The following SPICE1 variants were observed in gnomAD, a reference collection of about 807,000 sequenced individuals.
SPICE1 encodes the protein spindle and centriole associated protein 1, also known as spindle and centriole-associated protein 1.
SPICE1 carries 75 observed loss-of-function variants against 102.7 expected under a neutral mutation model. That is an observed-to-expected ratio of 0.73 (90% CI 0.61 to 0.88). The LOEUF is 0.88. Among genes scored for constraint, SPICE1 ranks in the 40% least tolerant of loss-of-function variants. The probability of loss-of-function intolerance (pLI) is 0.00; values close to 1 mark genes in which losing one functional copy is unlikely to be tolerated. For synonymous variants in SPICE1, 308 were observed against 350.3 expected (o/e 0.88, Z 1.35); for missense variants, 979 against 1,020.1 (o/e 0.96, Z 0.55).
chr3:113,506,549 C>T lies in SPICE1; in HGVS notation c.57G>A (p.Pro19=), dbSNP rs368441333. The stretch of plus-strand genomic sequence containing the variant: ...CTGAAGTTTTCTTCTTCTTTACTTT[C>T]GGTGTCTTTCTTACACCAACTCGGG... The part of the protein sequence containing the change: ...CGPRVGVRKT[P]KVKKKKTSVK... The change falls in exon 2 of 18, where the codon CCG becomes CCA. Residue 19 remains proline, a synonymous_variant. Coordinates refer to ENST00000295872, the MANE Select transcript of SPICE1 (RefSeq NM_144718.4). 73 of 1,613,438 alleles carry T rather than the reference C, an allele frequency of 4.5e-5. No homozygotes were observed. The highest frequency in any genetic ancestry group is 5.8e-5 in the Non-Finnish European group (68 of 1,179,810).
chr3:113,493,264 A>G lies in SPICE1; in HGVS notation c.434T>C (p.Val145Ala), dbSNP rs200456467. ...TTGGGTGATAGGGTCTTGATTTACC[A>G]CAATGGGACCCTGAGAGGAATCAGG... ...VAPDSSQGPI[V>A]VNQDPITQSI... The change falls in exon 6 of 18, where the codon GTG (valine) becomes GCG (alanine). Residue 145 changes from valine to alanine, a missense_variant. Physicochemically the swap from Val to Ala is moderately conservative, Grantham distance 64. Coordinates refer to ENST00000295872, the MANE Select transcript of SPICE1 (RefSeq NM_144718.4). 34 of 1,613,652 alleles carry G rather than the reference A, an allele frequency of 2.1e-5. No individual in the cohort carries two copies. The highest frequency in any genetic ancestry group is 1.7e-4 in the Middle Eastern group (1 of 6,060).
intron 4 of SPICE1, among the ~76,000 whole-genome samples, chr3:113,495,071 T>C (rs1459709209): frequency 6.6e-6 from 1 of 152,220 alleles, no homozygotes; most frequent in African/African-American, 2.4e-5. Flanking sequence ...ATCAGTTTTT[T>C]ACCCTGGAGA....
At chr3:113,475,690 ATTATCTCAATAGATGCAGAAAAGGCC>A (rs1233427027) in intron 7 of SPICE1, among the ~76,000 whole-genome samples, 1 of 152,328 alleles carries the variant, frequency 6.6e-6, no homozygotes, top group East Asian at 1.9e-4. Flanking sequence ...AAACCACATA[ATTATCTCAATAGATGCAGAAAAGGCC>A]TTTGACAAAA....
chr3:113,491,648 A>AAAAAAAAAAC (rs1936771696), intron 6 of SPICE1, among the ~76,000 whole-genome samples: 1 of 150,976 alleles, frequency 6.6e-6, no homozygotes, highest in Non-Finnish European at 1.5e-5. Context: ...AAAAAAAAAA[A>AAAAAAAAAAC]AGATTATCTA....
At chr3:113,451,698 A>C (rs1370715200) in intron 14 of SPICE1, among the ~76,000 whole-genome samples, 1 of 152,200 alleles carries the variant, frequency 6.6e-6, no homozygotes, top group Non-Finnish European at 1.5e-5. Flanking sequence ...AATGCCTCCC[A>C]GTGACTCAAA....
At chr3:113,510,698 T>C (rs1937203627) in intron 1 of SPICE1, among the ~76,000 whole-genome samples, 1 of 152,146 alleles carries the variant, frequency 6.6e-6, no homozygotes, top group African/African-American at 2.4e-5. Context: ...ATTCAGCACA[T>C]ACACACAGGC....
intron 7 of SPICE1, among the ~76,000 whole-genome samples, chr3:113,474,049 G>A (rs1170981786): frequency 5.9e-5 from 9 of 151,910 alleles, no homozygotes; most frequent in South Asian, 2.1e-4. Flanking sequence ...CCCATCTCAC[G>A]TGCAGAGACA....
In SPICE1 at chr3:113,491,583, C is replaced by A. The variant is rs951751951; in HGVS notation, c.492+1623G>T. On this transcript the variant is annotated intron_variant, in intron 6 of 17. Coordinates refer to ENST00000295872, the MANE Select transcript of SPICE1 (RefSeq NM_144718.4). The stretch of plus-strand genomic sequence containing the variant: ...CAGCTTGCAGTGAGCCAAGATTGCA[C>A]CACTGCACTCCAGCCTGGGCGACAG... 1.2e-4 allele frequency among the ~76,000 whole-genome samples: 17 copies of A among 144,784 alleles called. No individual in the cohort carries two copies. The Admixed American group carries it at 1.2e-3, about 10-fold the overall frequency. The allele number at this position is 144,784 out of a possible 152,430, so 95.0% of individuals were successfully genotyped here.
chr3:113,477,797 G>T (rs552793675), intron 7 of SPICE1, among the ~76,000 whole-genome samples: 1 of 128,426 alleles, frequency 7.8e-6, no homozygotes, highest in Non-Finnish European at 1.6e-5. Context: ...GGGATGGGGG[G>T]AGGGGGGAGG....
intron 7 of SPICE1, among the ~76,000 whole-genome samples, chr3:113,472,299 G>T (rs1368599058): frequency 6.6e-6 from 1 of 152,252 alleles, no homozygotes; most frequent in African/African-American, 2.4e-5. Context: ...ACTGGGTGGA[G>T]CCCACCACAG....
At chr3:113,496,239 T>C (rs947603052) in intron 4 of SPICE1, among the ~76,000 whole-genome samples, 21 of 152,102 alleles carry the variant, frequency 1.4e-4, no homozygotes, top group African/African-American at 4.8e-4. Context: ...ATCAGTGTAT[T>C]GGCTTTTACT....
At chr3:113,493,767 C>T (rs1429845126) in intron 5 of SPICE1, among the ~76,000 whole-genome samples, 1 of 152,164 alleles carries the variant, frequency 6.6e-6, no homozygotes, top group Non-Finnish European at 1.5e-5. Flanking sequence ...TTATTCAAGT[C>T]ACATTTTAAA....
chr3:113,458,205 TCTCCCGTCTCCCTCTCCCGTCTCC>T (rs1431818220), intron 12 of SPICE1, among the ~76,000 whole-genome samples: 1 of 79,868 alleles, frequency 1.3e-5, no homozygotes, highest in Non-Finnish European at 2.4e-5. Flanking sequence ...CCCGTCTCCC[TCTCCCGTCTCCCTCTCCCGTCTCC>T]CTCTCCTCTT....
At chr3:113,484,082 G>A (rs1264749422) in intron 7 of SPICE1, among the ~76,000 whole-genome samples, 1 of 152,060 alleles carries the variant, frequency 6.6e-6, no homozygotes, top group Non-Finnish European at 1.5e-5. Flanking sequence ...TCAGGGATTC[G>A]ACTTCTTCTG....
intron 7 of SPICE1, among the ~76,000 whole-genome samples, chr3:113,486,059 CA>C (rs1363154361): frequency 6.6e-6 from 1 of 151,568 alleles, no homozygotes; most frequent in African/African-American, 2.4e-5. Context: ...TGCAGTGAGC[CA>C]AGATGGCGAC....
chr3:113,472,106 C>T (rs115158411), intron 7 of SPICE1, among the ~76,000 whole-genome samples: 33 of 152,284 alleles, frequency 2.2e-4, no homozygotes, highest in African/African-American at 6.7e-4. Flanking sequence ...ACTTTTCCGA[C>T]GGGCTTAAAA....
rs142668442 is a variant in SPICE1, at chr3:113,475,838, G to C, written c.612-6600C>G. 2.6e-5 allele frequency among the ~76,000 whole-genome samples: 4 copies of C among 152,236 alleles called. No individual in the cohort carries two copies. The East Asian group carries it at 7.7e-4, about 29-fold the overall frequency. Reference sequence around the variant, plus strand: ...CCCACAGCCAATATCATATTGAATGGGCAAAAACTGGAAGCATTCCCTTTG... The same window carrying C: ...CCCACAGCCAATATCATATTGAATGCGCAAAAACTGGAAGCATTCCCTTTG... On this transcript the variant is annotated intron_variant, in intron 7 of 17. Transcript: ENST00000295872.
At chr3:113,509,976 T>C (rs1231754120) in intron 1 of SPICE1, among the ~76,000 whole-genome samples, 1 of 152,254 alleles carries the variant, frequency 6.6e-6, no homozygotes, top group Non-Finnish European at 1.5e-5. Context: ...TCCTGAGGCC[T>C]GCAAAACTGT....
Position 113,450,489 on chromosome 3 carries a change from GTGT to G in SPICE1, c.2167_2169del (p.Thr723del), listed in dbSNP as rs771487648. 6.2e-7 allele frequency: 1 copy of G among 1,611,664 alleles called. No individual in the cohort carries two copies. Among genetic ancestry groups the G allele is most frequent in the Non-Finnish European group, 8.5e-7 (1 of 1,179,340 alleles). ...GCAATCCGTTCCTCCATACTACCTGGTGTTAGAGACTGTGCTACTGGAAAAGTC... is the reference window on the plus strand; with the variant it reads ...GCAATCCGTTCCTCCATACTACCTGGTAGAGACTGTGCTACTGGAAAAGTC... On this transcript the variant is annotated inframe_deletion, in exon 15 of 18. Transcript: ENST00000295872.
Sources: allele counts gnomAD v4.1 joint callset (sites outside exome capture counted in the v4.1 genomes callset), GRCh38; gene constraint gnomAD v4.1.1; transcripts MANE v1.5; gene names NCBI Gene and HGNC (gene_info 2026-07-23, HGNC 2026-07-21).